TSKU: variants seen among roughly 807,000 people sequenced by gnomAD.
TSKU encodes tsukushi.
TSKU carries 4 observed loss-of-function variants against 11.2 expected under a neutral mutation model. The observed-to-expected ratio is 0.36, with a 90% CI of 0.18 to 0.82. The LOEUF is 0.82. Ranked by LOEUF, TSKU falls within the 40% of genes least tolerant of loss-of-function variation. TSKU has a pLI of 0.50. For missense variants in TSKU, 407 were observed against 482.5 expected (o/e 0.84, Z 1.47); for synonymous variants, 220 against 232.2 (o/e 0.95, Z 0.48).
At chr11:76,784,341 G>C (rs574180433) in intron 1 of TSKU, 1 of 147,988 alleles carries the variant, frequency 6.8e-6, no homozygotes, top group Non-Finnish European at 1.5e-5. Context: ...CCGCCCCCGG[G>C]GTAGGGGGCC....
intron 1 of TSKU, among the ~76,000 whole-genome samples, chr11:76,788,718 T>G (rs1201628597): frequency 6.6e-6 from 1 of 152,220 alleles, no homozygotes; most frequent in Non-Finnish European, 1.5e-5. Context: ...GGTACAGAGC[T>G]AGGTTCACAC....
At position 76,796,571 on chromosome 11, in the gene TSKU, C is replaced by G. The variant is rs751750457; in HGVS notation, c.955C>G (p.Leu319Val). Residue 319 changes from leucine (L) to valine (V), a missense_variant, in exon 2 of 2, where the codon CTG (leucine) becomes GTG (valine). Physicochemically the swap from Leu to Val is conservative, Grantham distance 32. Transcript: ENST00000333090. The surrounding 1 kb of genome is among the most constrained non-coding windows in gnomAD (Gnocchi z 4.1). ...SVGQDVRCRR[L>V]VREGTYPRRP... The stretch of plus-strand genomic sequence containing the variant: ...GGGCCAGGATGTGCGGTGCCGGCGC[C>G]TGGTGCGGGAGGGCACCTACCCCCG... 6.3e-7 allele frequency: 1 copy of G among 1,576,014 alleles called. No individual in the cohort carries two copies. Among genetic ancestry groups the G allele is most frequent in the South Asian group, 1.2e-5 (1 of 86,900 alleles).
intron 1 of TSKU, among the ~76,000 whole-genome samples, chr11:76,793,883 G>A (rs1944406677): frequency 6.6e-6 from 1 of 152,202 alleles, no homozygotes; most frequent in African/African-American, 2.4e-5. Flanking sequence ...CAAAGCCAGA[G>A]TGCAGATCAA....
chr11:76,784,460 C>A (rs1343306358), intron 1 of TSKU: 2 of 152,440 alleles, frequency 1.3e-5, no homozygotes, highest in African/African-American at 4.8e-5. Context: ...GGGAGCCTCA[C>A]ATACACAGGT....
intron 1 of TSKU, among the ~76,000 whole-genome samples, chr11:76,788,939 G>A (rs770449074): frequency 1.3e-5 from 2 of 152,236 alleles, no homozygotes; most frequent in Non-Finnish European, 2.9e-5. Context: ...TGGGGTGAGA[G>A]GCCAGGAGGG....
At chr11:76,785,830 C>T (rs1250341816) in intron 1 of TSKU, among the ~76,000 whole-genome samples, 1 of 152,180 alleles carries the variant, frequency 6.6e-6, no homozygotes, top group African/African-American at 2.4e-5. Context: ...GCGAGTGATC[C>T]AGCCTCTTAG....
intron 1 of TSKU, chr11:76,784,183 C>G (rs897607817): frequency 2.0e-4 from 30 of 152,518 alleles, no homozygotes; most frequent in African/African-American, 6.8e-4. Flanking sequence ...AGCGGTGGGT[C>G]CCAGGCTCCG....
chr11:76,783,939 G>T (rs932982314), intron 1 of TSKU, among the ~76,000 whole-genome samples: 11 of 138,608 alleles, frequency 7.9e-5, no homozygotes, highest in Non-Finnish European at 1.6e-4. Flanking sequence ...TCGGGCCCAC[G>T]ACTTGGCTCC....
chr11:76,787,127 C>T (rs186378785), intron 1 of TSKU, among the ~76,000 whole-genome samples: 166 of 152,244 alleles, frequency 1.1e-3, no homozygotes, highest in Middle Eastern at 3.4e-3. Flanking sequence ...ATATTACAGA[C>T]GAGGACTCAG....
intron 1 of TSKU, among the ~76,000 whole-genome samples, chr11:76,783,766 C>A (rs1358002627): frequency 6.6e-6 from 1 of 152,214 alleles, no homozygotes; most frequent in East Asian, 1.9e-4. Flanking sequence ...GCGCCCGTGT[C>A]CACGTTTGCG....
At position 76,797,070 on chromosome 11, in the gene TSKU, T is replaced by G; in HGVS notation, c.*392T>G. Reference sequence around the variant, plus strand: ...CAGGTCCACTGGGCTGAGTGTCCCCTTGGGCCCATGGCCCAGTCACTCAGG... The same window carrying G: ...CAGGTCCACTGGGCTGAGTGTCCCCGTGGGCCCATGGCCCAGTCACTCAGG... On this transcript the variant is annotated 3_prime_UTR_variant, in exon 2 of 2. Transcript: ENST00000333090. 5.3e-6 allele frequency: 1 copy of G among 187,658 alleles called. No individual in the cohort carries two copies. 11.6% of individuals were successfully genotyped at this position (187,658 alleles called of 1,614,324 possible).
intron 1 of TSKU, among the ~76,000 whole-genome samples, chr11:76,790,927 G>A (rs1944362980): frequency 6.6e-6 from 1 of 152,188 alleles, no homozygotes; most frequent in South Asian, 2.1e-4. Flanking sequence ...GGAAAATGTG[G>A]GAAAGTTTGG....
At chr11:76,782,891 CAA>C (rs924678553), upstream of TSKU, 1 of 152,196 alleles carries the variant, frequency 6.6e-6, no homozygotes, top group African/African-American at 2.4e-5. Context: ...GGTGAACAAG[CAA>C]AGAGGAAGCC....
At position 76,796,657 on chromosome 11, in the gene TSKU, C is replaced by T; in HGVS notation, c.1041C>T (p.Ala347=). The T allele has an allele frequency of 6.9e-7, 1 of 1,449,980 alleles. No homozygotes were observed. Among genetic ancestry groups the T allele is most frequent in the Non-Finnish European group, 9.1e-7 (1 of 1,097,542 alleles). The allele number at this position is 1,449,980 out of a possible 1,614,324, so 89.8% of individuals were successfully genotyped here. A position where few individuals can be genotyped will look rare whatever the true frequency, so the allele number is the denominator to read the frequency against. The change falls in exon 2 of 2, where the codon GCC becomes GCT. Residue 347 remains alanine, a synonymous_variant. Coordinates refer to ENST00000333090, the MANE Select transcript of TSKU (RefSeq NM_015516.4). The surrounding 1 kb of genome is among the most constrained non-coding windows in gnomAD (Gnocchi z 4.1). ...GCGTAGACACCCGGGATTCTGCTGC[C>T]AGGGGCCCCACCATCTTGTGACAAA... ...LHCVDTRDSA[A]RGPTIL
intron 1 of TSKU, among the ~76,000 whole-genome samples, chr11:76,784,752 G>GC (rs1333838406): frequency 6.9e-6 from 1 of 145,162 alleles, no homozygotes; most frequent in Admixed American, 6.7e-5. Context: ...GAGGTGGGGG[G>GC]GGGGGGGTGC....
In TSKU at chr11:76,796,092, C is replaced by T; in HGVS notation, c.476C>T (p.Ala159Val). 1 of 1,614,078 alleles carries T rather than the reference C, an allele frequency of 6.2e-7. No individual in the cohort carries two copies. Among genetic ancestry groups the T allele is most frequent in the South Asian group, 1.1e-5 (1 of 91,078 alleles). ...SAFTTHSQGR[A>V]LHVDLSHNLI... ...TTCACGACGCACAGTCAGGGCCGGG[C>T]ACTACACGTGGACCTCTCCCACAAC... The change falls in exon 2 of 2, where the codon GCA (alanine) becomes GTA (valine). Residue 159 changes from alanine to valine, a missense_variant. Transcript: ENST00000333090. This position sits in a 1 kb window ranked among gnomAD's most constrained non-coding sequence, Gnocchi z 4.1.
Position 76,796,762 on chromosome 11 carries a change from C to A in TSKU, c.*84C>A, listed in dbSNP as rs1944458921. 2 of 1,143,716 alleles carry A rather than the reference C, an allele frequency of 1.7e-6. No homozygotes were observed. The highest frequency in any genetic ancestry group is 2.4e-6 in the Non-Finnish European group (2 of 843,516). The allele number at this position is 1,143,716 out of a possible 1,614,324, so 70.8% of individuals were successfully genotyped here. A position where few individuals can be genotyped will look rare whatever the true frequency, so the allele number is the denominator to read the frequency against. On this transcript the variant is annotated 3_prime_UTR_variant, in exon 2 of 2. Transcript: ENST00000333090. This position sits in a 1 kb window ranked among gnomAD's most constrained non-coding sequence, Gnocchi z 4.1. ...GAGTAACTTATGTTCAATGTGCCAA[C>A]ACCAGTGGGGAGCCCGCAGGCCTAT... is the stretch of plus-strand genomic sequence containing the variant.
At chr11:76,789,529 T>C (rs1191073772) in intron 1 of TSKU, among the ~76,000 whole-genome samples, 1 of 152,234 alleles carries the variant, frequency 6.6e-6, no homozygotes, top group Non-Finnish European at 1.5e-5. Context: ...TTAGAGTCAC[T>C]GTGGACCTGG....
intron 1 of TSKU, among the ~76,000 whole-genome samples, chr11:76,784,530 G>A (rs1234493773): frequency 6.6e-6 from 1 of 152,242 alleles, no homozygotes; most frequent in Non-Finnish European, 1.5e-5. Flanking sequence ...GCTTCGCGGA[G>A]TCGCGGTCAC....
Sources: gnomAD v4.1 joint callset for allele counts (sites outside exome capture counted in the v4.1 genomes callset) on GRCh38, gnomAD v4.1.1 for gene constraint, Gnocchi (gnomAD v3.1) non-coding constraint, MANE v1.5 for transcripts, NCBI Gene and HGNC (gene_info 2026-07-23, HGNC 2026-07-21) for gene names.